Variants in ITGA5 observed in about 807,000 individuals in gnomAD.
ITGA5 encodes integrin alpha-5.
In ITGA5, 55 loss-of-function variants were observed where a neutral mutation model predicts 146.3. That is an observed-to-expected ratio of 0.38 (90% confidence interval 0.30 to 0.47). ITGA5 has a LOEUF of 0.47. Ranked by LOEUF, ITGA5 falls within the 20% of genes least tolerant of loss-of-function variation. ITGA5 has a pLI of 0.99. For synonymous variants in ITGA5, 500 were observed against 531.8 expected (o/e 0.94, Z 0.82); for missense variants, 1,131 against 1,329.0 (o/e 0.85, Z 2.32).
At chr12:54,418,923 C>T (rs1489422919) in intron 1 of ITGA5, 58 bp downstream of exon 1, 43 of 1,586,232 alleles carry the variant, frequency 2.7e-5, no homozygotes, top group South Asian at 1.1e-5. Flanking sequence ...CCCAGCCGCG[C>T]CCCCAGTCTC....
chr12:54,407,995 A>C, intron 7 of ITGA5, 115 bp downstream of exon 7: 1 of 1,527,668 alleles, frequency 6.5e-7, no homozygotes, highest in Non-Finnish European at 8.9e-7. Flanking sequence ...GCACATGACA[A>C]GTATGGCAGG....
intron 1 of ITGA5, among the ~76,000 whole-genome samples, 196 bp downstream of exon 1, chr12:54,418,785 C>A (rs1956040535): frequency 6.6e-6 from 1 of 152,034 alleles, no homozygotes; most frequent in Non-Finnish European, 1.5e-5. Flanking sequence ...AACGCCAGGG[C>A]CCCTCCTCAC....
chr12:54,398,585 C>A lies in ITGA5; in HGVS notation c.2943+12G>T. 2 of 1,599,124 alleles carry A rather than the reference C, an allele frequency of 1.3e-6. No homozygotes were observed. The highest frequency in any genetic ancestry group is 1.7e-6 in the Non-Finnish European group (2 of 1,167,792). Reference sequence around the variant, plus strand: ...TGTATTCCCTCATCCAGTCCTCTGGCCCTAGACTCACCTGACGCTCTTTTT... The same window carrying A: ...TGTATTCCCTCATCCAGTCCTCTGGACCTAGACTCACCTGACGCTCTTTTT... On this transcript the variant is annotated intron_variant, in intron 28 of 29. Transcript: ENST00000293379.
At chr12:54,402,855 G>A (rs1955806615) in intron 19 of ITGA5, 128 bp downstream of exon 19, 1 of 705,184 alleles carries the variant, frequency 1.4e-6, no homozygotes, top group African/African-American at 1.8e-5. Flanking sequence ...CCACTATACA[G>A]ACAAAGGAGT....
rs753867885 is a variant in ITGA5 at position 54,409,397 on chromosome 12, G to A, written c.463-45C>T. On this transcript the variant is annotated intron_variant, in intron 3 of 29. Coordinates refer to ENST00000293379, the MANE Select transcript of ITGA5 (RefSeq NM_002205.5). This position sits in a 1 kb window ranked among gnomAD's most constrained non-coding sequence, Gnocchi z 4.7. Reference sequence around the variant, plus strand: ...GGGGCCTTCAGATTCAGTCCAATAAGGCCCTTCCTCCCTCCCTCCAGGCCC... The same window carrying A: ...GGGGCCTTCAGATTCAGTCCAATAAAGCCCTTCCTCCCTCCCTCCAGGCCC... The A allele has an allele frequency of 5.6e-6, 9 of 1,608,198 alleles. No homozygotes were observed. The Admixed American group carries it at 1.2e-4, about 21-fold the overall frequency.
In ITGA5 at chr12:54,401,986, T is replaced by A; in HGVS notation, c.2226+15A>T. ...TGCTCTCCCTCTGTCCCATCCTCTT[T>A]CATCCCAAACTTACACTGGCTCCTG... On this transcript the variant is annotated intron_variant, in intron 21 of 29. Coordinates refer to ENST00000293379, the MANE Select transcript of ITGA5 (RefSeq NM_002205.5). The surrounding 1 kb of genome is among the most constrained non-coding windows in gnomAD (Gnocchi z 5.0). 2 of 1,613,742 alleles carry A rather than the reference T, an allele frequency of 1.2e-6. No individual in the cohort carries two copies. Among genetic ancestry groups the A allele is most frequent in the Non-Finnish European group, 1.7e-6 (2 of 1,179,646 alleles).
Position 54,402,183 on chromosome 12 carries a change from T to C in ITGA5, c.2130A>G (p.Pro710=). 6.2e-7 allele frequency: 1 copy of C among 1,613,464 alleles called. No individual in the cohort carries two copies. Among genetic ancestry groups the C allele is most frequent in the South Asian group, 1.1e-5 (1 of 91,042 alleles). ...EAEYSGLVRH[P]GNFSSLSCDY... The stretch of plus-strand genomic sequence containing the variant: ...CCACTCGAGAGTCTCATCTCACCCC[T>C]GGGTGTCTGACGAGTCCTGAGTACT... Residue 710 remains proline (P), a synonymous_variant, in exon 20 of 30, where the codon CCA becomes CCG. Transcript: ENST00000293379.
At chr12:54,405,602 T>C in intron 11 of ITGA5, 62 bp downstream of exon 11, 3 of 1,432,024 alleles carry the variant, frequency 2.1e-6, no homozygotes, top group Non-Finnish European at 2.9e-6. Context: ...TTCTGTCCCA[T>C]TCCCACTCTT....
chr12:54,405,534 G>T, intron 11 of ITGA5, 130 bp downstream of exon 11: 1 of 1,036,012 alleles, frequency 9.7e-7, no homozygotes, highest in Non-Finnish European at 1.5e-6. Flanking sequence ...TGAGCAAGGG[G>T]AATGCAGGTA....
In ITGA5 at chr12:54,409,307, T is replaced by C. The variant is rs1487541984; in HGVS notation, c.508A>G (p.Ser170Gly). Residue 170 changes from serine to glycine, a missense_variant, in exon 4 of 30, where the codon AGC becomes GGC. By Grantham distance (56) the Ser-to-Gly change is moderately conservative (BLOSUM62 0). Transcript: ENST00000293379. The surrounding 1 kb of genome is among the most constrained non-coding windows in gnomAD (Gnocchi z 4.7). The part of the protein sequence containing the change: ...YSWRTEKEPL[S>G]DPVGTCYLST... ...AGGTAGCAGGTGCCCACGGGGTCGCTCAGTGGCTCCTTCTCTGTGCGCCAG... is the reference window on the plus strand; with the variant it reads ...AGGTAGCAGGTGCCCACGGGGTCGCCCAGTGGCTCCTTCTCTGTGCGCCAG... 1 of 1,613,906 alleles carries C rather than the reference T, an allele frequency of 6.2e-7. No individual in the cohort carries two copies. Among genetic ancestry groups the C allele is most frequent in the Non-Finnish European group, 8.5e-7 (1 of 1,179,950 alleles).
intron 6 of ITGA5, 80 bp downstream of exon 6, chr12:54,408,676 C>T: frequency 7.3e-7 from 1 of 1,363,534 alleles, no homozygotes; most frequent in Non-Finnish European, 1.0e-6. Context: ...TGCCACTGCA[C>T]TCCAGCCTGG....
chr12:54,416,559 A>T lies in ITGA5; in HGVS notation c.218+2422T>A, dbSNP rs900202426. 5.3e-5 allele frequency among the ~76,000 whole-genome samples: 8 copies of T among 152,258 alleles called. No individual in the cohort carries two copies. Among genetic ancestry groups the T allele is most frequent in the Non-Finnish European group, 7.3e-5 (5 of 68,050 alleles). On this transcript the variant is annotated intron_variant, in intron 1 of 29. Coordinates refer to ENST00000293379, the MANE Select transcript of ITGA5 (RefSeq NM_002205.5). This position sits in a 1 kb window ranked among gnomAD's most constrained non-coding sequence, Gnocchi z 4.1. Reference sequence around the variant, plus strand: ...GAAATGAGGGAACTAGGCGGTAGCCAGGAAGGAGAGAACCAGAAACAGAAA... The same window carrying T: ...GAAATGAGGGAACTAGGCGGTAGCCTGGAAGGAGAGAACCAGAAACAGAAA...
intron 1 of ITGA5, among the ~76,000 whole-genome samples, chr12:54,415,135 C>T (rs1344206920): frequency 7.9e-5 from 12 of 151,502 alleles, no homozygotes; most frequent in Non-Finnish European, 7.4e-5. Flanking sequence ...GCAACAAGAG[C>T]GAAACTCCGT....
chr12:54,408,479 G>T (rs987073454), intron 6 of ITGA5, among the ~76,000 whole-genome samples: 3 of 152,086 alleles, frequency 2.0e-5, no homozygotes, highest in African/African-American at 7.2e-5. Context: ...TATAATCCCA[G>T]CACTTTGAGA....
Position 54,411,914 on chromosome 12 carries a change from A to C in ITGA5, c.269T>G (p.Val90Gly). 1 of 1,605,268 alleles carries C rather than the reference A, an allele frequency of 6.2e-7. No homozygotes were observed. Reference sequence around the variant, plus strand: ...GAGGTAGACAGCACCACCCTGCAGCACTCCTGGCTGGCTGGTATTAGCCTT... The same window carrying C: ...GAGGTAGACAGCACCACCCTGCAGCCCTCCTGGCTGGCTGGTATTAGCCTT... ...APKANTSQPG[V>G]LQGGAVYLCP... The change falls in exon 2 of 30, where the codon GTG becomes GGG. Residue 90 changes from valine to glycine, a missense_variant. By Grantham distance (109) the Val-to-Gly change is moderately radical. Coordinates refer to ENST00000293379, the MANE Select transcript of ITGA5 (RefSeq NM_002205.5).
At chr12:54,418,777 C>T (rs150732821) in intron 1 of ITGA5, among the ~76,000 whole-genome samples, 1 of 152,064 alleles carries the variant, frequency 6.6e-6, no homozygotes, top group South Asian at 2.1e-4. Context: ...TGATCTCAAA[C>T]GCCAGGGCCC....
chr12:54,396,334 C>T lies in ITGA5; in HGVS notation c.3109G>A (p.Glu1037Lys). 1.2e-6 allele frequency: 2 copies of T among 1,614,126 alleles called. No homozygotes were observed. The highest frequency in any genetic ancestry group is 1.7e-6 in the Non-Finnish European group (2 of 1,179,982). The change falls in exon 30 of 30, where the codon GAA (glutamate) becomes AAA (lysine). Residue 1037 changes from glutamate (E) to lysine (K), a missense_variant. Physicochemically the swap from Glu to Lys is moderately conservative, Grantham distance 56. Transcript: ENST00000293379. ...GCTGGAGGCTTGAGCTGAGCTTTTTCCATGGCGGTGCCATATGGGAGGGAG... is the reference window on the plus strand; with the variant it reads ...GCTGGAGGCTTGAGCTGAGCTTTTTTCATGGCGGTGCCATATGGGAGGGAG... ...KRSLPYGTAM[E>K]KAQLKPPATS...
intron 12 of ITGA5, 44 bp downstream of exon 12, chr12:54,405,122 G>A: frequency 6.7e-7 from 1 of 1,498,632 alleles, no homozygotes. Context: ...CTTCTGACTT[G>A]GGCCCCTGCC....
chr12:54,398,575 A>G, intron 28 of ITGA5, 22 bp downstream of exon 28: 2 of 1,560,752 alleles, frequency 1.3e-6, no homozygotes, highest in East Asian at 4.5e-5. Context: ...TCCCTCATCC[A>G]GTCCTCTGGC....
Sources: allele counts gnomAD v4.1 joint callset (sites outside exome capture counted in the v4.1 genomes callset), GRCh38; gene constraint gnomAD v4.1.1; non-coding constraint Gnocchi (gnomAD v3.1); transcripts MANE v1.5; gene names NCBI Gene and HGNC (gene_info 2026-07-23, HGNC 2026-07-21).